The following DNAH14 variants were observed in gnomAD, a reference collection of about 807,000 sequenced individuals.
The protein encoded by DNAH14 is dynein axonemal heavy chain 14, also known as axonemal beta dynein heavy chain 14.
A neutral mutation model predicts 520.9 loss-of-function variants in DNAH14; 478 were observed. The ratio of observed to expected loss-of-function variants is 0.92; its 90% CI spans 0.85 to 0.99. The LOEUF is 0.99. DNAH14 is among the 50% of genes least tolerant of loss of function. DNAH14 has a pLI of 0.00. For synonymous variants in DNAH14, 1,581 were observed against 1,757.2 expected, an observed-to-expected ratio of 0.90 and a Z score of 2.51; for missense variants, 4,831 against 5,234.5, an observed-to-expected ratio of 0.92 and a Z score of 2.38.
intron 77 of DNAH14, 38 bp from the exon 78 acceptor site, chr1:225,374,650 A>G (rs2095672727): frequency 6.8e-7 from 1 of 1,478,466 alleles, no homozygotes. Flanking sequence ...AGCTGGAAAC[A>G]CATACTGAAA....
chr1:224,997,631 T>A (rs2063483058), intron 8 of DNAH14, among the ~76,000 whole-genome samples: 1 of 152,156 alleles, frequency 6.6e-6, no homozygotes, highest in Admixed American at 6.6e-5. Flanking sequence ...TCAGTCTGTG[T>A]TAATTCTTCT....
intron 47 of DNAH14, among the ~76,000 whole-genome samples, chr1:225,264,490 C>A (rs2093045356): frequency 6.6e-6 from 1 of 152,060 alleles, no homozygotes; most frequent in Non-Finnish European, 1.5e-5. Context: ...AGGTATATTA[C>A]CTGATACTTG....
chr1:224,938,337 T>G (rs1189260494), intron 1 of DNAH14, among the ~76,000 whole-genome samples: 1 of 151,792 alleles, frequency 6.6e-6, no homozygotes, highest in Non-Finnish European at 1.5e-5. Flanking sequence ...GGAGCTCAAA[T>G]AACTCAATAG....
intron 1 of DNAH14, among the ~76,000 whole-genome samples, chr1:224,938,847 A>G (rs1426374935): frequency 2.6e-5 from 4 of 152,344 alleles, no homozygotes; most frequent in East Asian, 1.9e-4. Context: ...ATGGAATACT[A>G]TTCAGCTGTA....
rs74149425 is a variant in DNAH14, at chr1:224,967,909, A to T, written c.651+326A>T. On this transcript the variant is annotated intron_variant, in intron 6 of 85. Coordinates refer to ENST00000682510, the MANE Select transcript of DNAH14 (RefSeq NM_001367479.1). Reference sequence around the variant, plus strand: ...GGGAACTATAATAATAAAGAAAAGAATATTCTTTATTGGCACATTTGTCAG... The same window carrying T: ...GGGAACTATAATAATAAAGAAAAGATTATTCTTTATTGGCACATTTGTCAG... The T allele has an allele frequency of 2.0e-4, 250 of 1,223,750 alleles. 1 individual carries two copies. In the African/African-American group the frequency reaches 3.5e-3, roughly 17 times the overall value. The allele number at this position is 1,223,750 out of a possible 1,614,324, so 75.8% of individuals were successfully genotyped here.
intron 27 of DNAH14, among the ~76,000 whole-genome samples, chr1:225,130,956 T>C (rs576535772): frequency 3.3e-4 from 50 of 152,230 alleles, no homozygotes; most frequent in Admixed American, 7.9e-4. Flanking sequence ...AAGAAATGAT[T>C]TGGAAAATAA....
intron 28 of DNAH14, among the ~76,000 whole-genome samples, chr1:225,142,762 T>C (rs2079570230): frequency 6.6e-6 from 1 of 152,062 alleles, no homozygotes; most frequent in Admixed American, 6.5e-5. Context: ...AACCCATCTC[T>C]ACTAAAAATA....
At chr1:224,975,307 G>C (rs1376691767) in intron 8 of DNAH14, among the ~76,000 whole-genome samples, 1 of 152,144 alleles carries the variant, frequency 6.6e-6, no homozygotes, top group Non-Finnish European at 1.5e-5. Flanking sequence ...AATAGTACCA[G>C]TTCCTCCTTG....
chr1:225,290,631 ATGTGTGTG>A (rs71170071), intron 55 of DNAH14, among the ~76,000 whole-genome samples: 8 of 71,706 alleles, frequency 1.1e-4, no homozygotes, highest in South Asian at 5.3e-4. Flanking sequence ...GTATAGATAT[ATGTGTGTG>A]TGTGTGTGTA....
intron 45 of DNAH14, 86 bp downstream of exon 45, chr1:225,258,204 G>A (rs925344136): frequency 4.9e-6 from 6 of 1,219,046 alleles, no homozygotes; most frequent in Non-Finnish European, 6.4e-6. Flanking sequence ...TTTTGTAAGT[G>A]GGAAAAAAAT....
chr1:225,335,874 TATACATATATGTACATATAC>T (rs200706508), intron 66 of DNAH14, among the ~76,000 whole-genome samples: 3 of 36,308 alleles, frequency 8.3e-5, no homozygotes, highest in Non-Finnish European at 1.6e-4. Context: ...TACATACACA[TATACATATATGTACATATAC>T]ATACATATAT....
intron 27 of DNAH14, among the ~76,000 whole-genome samples, chr1:225,130,320 T>C (rs534792678): frequency 6.6e-6 from 1 of 152,228 alleles, no homozygotes; most frequent in East Asian, 1.9e-4. Flanking sequence ...CATTACTGGG[T>C]ATATACCCAA....
At position 225,259,223 on chromosome 1, in the gene DNAH14, C is replaced by T. The variant is rs1348007900; in HGVS notation, c.7127C>T (p.Thr2376Ile). ...AAACATGGTTCAATTTTAGGAGACA[C>T]CCTATTATATAGTGAAATAAAAAAA... is the stretch of plus-strand genomic sequence containing the variant. ...DIKHGSILGD[T>I]LLYSEIKKSS... Residue 2376 changes from threonine (T) to isoleucine (I), a missense_variant, in exon 46 of 86, where the codon ACC (threonine) becomes ATC (isoleucine). Thr to Ile is a moderately conservative substitution (Grantham distance 89, BLOSUM62 -1). Transcript: ENST00000682510. 2 of 1,529,332 alleles carry T rather than the reference C, an allele frequency of 1.3e-6. No individual in the cohort carries two copies. Among genetic ancestry groups the T allele is most frequent in the African/African-American group, 1.4e-5 (1 of 72,098 alleles). The allele number at this position is 1,529,332 out of a possible 1,614,324, so 94.7% of individuals were successfully genotyped here.
At chr1:225,148,825 T>C (rs1233979891) in intron 31 of DNAH14, among the ~76,000 whole-genome samples, 3 of 152,192 alleles carry the variant, frequency 2.0e-5, no homozygotes, top group Non-Finnish European at 4.4e-5. Flanking sequence ...TTAAAGTTGC[T>C]TATAGATTCT....
intron 34 of DNAH14, among the ~76,000 whole-genome samples, chr1:225,155,548 C>G (rs1041096121): frequency 1.3e-5 from 2 of 152,118 alleles, no homozygotes; most frequent in Non-Finnish European, 2.9e-5. Flanking sequence ...GTATAGCTCC[C>G]TGATATCCTC....
chr1:225,185,568 G>A (rs2084597059), intron 37 of DNAH14, 143 bp downstream of exon 37: 2 of 861,286 alleles, frequency 2.3e-6, no homozygotes, highest in Non-Finnish European at 3.3e-6. Flanking sequence ...ATCATAATGA[G>A]TGGGATTTTT....
At chr1:225,168,590 G>A (rs1372346528) in intron 36 of DNAH14, among the ~76,000 whole-genome samples, 1 of 152,214 alleles carries the variant, frequency 6.6e-6, no homozygotes, top group African/African-American at 2.4e-5. Context: ...CAAGGTGGCA[G>A]CGAGGCTGGA....
At chr1:225,183,788 G>A (rs1057097563) in intron 36 of DNAH14, among the ~76,000 whole-genome samples, 16 of 151,224 alleles carry the variant, frequency 1.1e-4, no homozygotes, top group African/African-American at 3.6e-4. Flanking sequence ...AGACTATTAC[G>A]AACACATCTA....
rs771369641 is a variant in DNAH14, at chr1:225,340,612, G to T, written c.10589G>T (p.Arg3530Leu). The T allele has an allele frequency of 6.4e-7, 1 of 1,551,372 alleles. No homozygotes were observed. Among genetic ancestry groups the T allele is most frequent in the South Asian group, 1.2e-5 (1 of 84,048 alleles). The change falls in exon 69 of 86, where the codon CGT becomes CTT. Residue 3530 changes from arginine (R) to leucine (L), a missense_variant. Coordinates refer to ENST00000682510, the MANE Select transcript of DNAH14 (RefSeq NM_001367479.1). ...GAAGTTCCTCATTTAGAAGATCAAC[G>T]TTCCAAGTTACTGGAGAGTATTTCC... ...THEVPHLEDQ[R>L]SKLLESISLD... is the part of the protein sequence containing the mutation.
Sources: gnomAD v4.1 joint callset for allele counts (sites outside exome capture counted in the v4.1 genomes callset) on GRCh38, gnomAD v4.1.1 for gene constraint, MANE v1.5 for transcripts, NCBI Gene and HGNC (gene_info 2026-07-23, HGNC 2026-07-21) for gene names.